Variants in STXBP4 observed in about 807,000 individuals in gnomAD.
The protein encoded by STXBP4 is syntaxin binding protein 4, also known as syntaxin-binding protein 4.
STXBP4 carries 55 observed loss-of-function variants against 76.1 expected under a neutral mutation model. The ratio of observed to expected loss-of-function variants is 0.72; its 90% CI spans 0.58 to 0.91. STXBP4 has a LOEUF of 0.91. Among genes scored for constraint, STXBP4 ranks in the 40% least tolerant of loss-of-function variants. STXBP4 has a pLI of 0.00. For synonymous variants in STXBP4, 201 were observed against 220.2 expected, an observed-to-expected ratio of 0.91 and a Z score of 0.77; for missense variants, 618 against 636.9, an observed-to-expected ratio of 0.97 and a Z score of 0.32.
intron 17 of STXBP4, among the ~76,000 whole-genome samples, chr17:55,148,085 C>T (rs1001073382): frequency 1.3e-5 from 2 of 152,188 alleles, no homozygotes; most frequent in Non-Finnish European, 2.9e-5. Flanking sequence ...TATGTGAGAG[C>T]TTTGTTTTTA....
the STXBP4 span, among the ~76,000 whole-genome samples, chr17:55,183,589 C>G: frequency 1.3e-5 from 2 of 152,150 alleles, no homozygotes; most frequent in African/African-American, 4.8e-5. Context: ...GATTGTCAGA[C>G]TTTATAATTC....
intron 8 of STXBP4, among the ~76,000 whole-genome samples, chr17:55,012,858 G>A (rs549340211): frequency 6.6e-6 from 1 of 152,266 alleles, no homozygotes; most frequent in East Asian, 1.9e-4. Flanking sequence ...AGGTCCCCTC[G>A]AGTGGCATAG....
intron 17 of STXBP4, among the ~76,000 whole-genome samples, chr17:55,155,897 T>C (rs1001912809): frequency 7.2e-5 from 11 of 152,222 alleles, no homozygotes; most frequent in Admixed American, 5.2e-4. Context: ...TAATAAGCTC[T>C]AAAATGTGTC....
At chr17:54,982,678 G>T (rs1401202002) in intron 1 of STXBP4, among the ~76,000 whole-genome samples, 1 of 151,746 alleles carries the variant, frequency 6.6e-6, no homozygotes, top group African/African-American at 2.4e-5. Context: ...TTGGCTGAGG[G>T]CCTTGCAAGT....
At chr17:55,144,610 C>A (rs960630798) in intron 17 of STXBP4, among the ~76,000 whole-genome samples, 2 of 152,180 alleles carry the variant, frequency 1.3e-5, no homozygotes, top group African/African-American at 4.8e-5. Flanking sequence ...CCTTCTTCCC[C>A]AGTTTTGTAC....
intron 3 of STXBP4, among the ~76,000 whole-genome samples, chr17:54,986,779 A>G (rs1029384398): frequency 3.3e-5 from 5 of 152,226 alleles, no homozygotes; most frequent in Non-Finnish European, 5.9e-5. Context: ...CTTGCTGACT[A>G]ACAAACCACC....
intron 16 of STXBP4, among the ~76,000 whole-genome samples, chr17:55,096,020 C>T (rs2079480256): frequency 6.6e-6 from 1 of 152,086 alleles, no homozygotes; most frequent in Non-Finnish European, 1.5e-5. Context: ...AATATGATGA[C>T]CTCTCTGAGT....
At chr17:55,019,496 A>G (rs943954472) in intron 8 of STXBP4, among the ~76,000 whole-genome samples, 2 of 152,134 alleles carry the variant, frequency 1.3e-5, no homozygotes, top group African/African-American at 4.8e-5. Context: ...GTTTTGGCGT[A>G]TCTTTGTTTA....
chr17:55,193,815 G>GAAAAA, the STXBP4 span, among the ~76,000 whole-genome samples: 711 of 105,820 alleles, frequency 6.7e-3, 24 homozygotes, highest in East Asian at 0.033. Flanking sequence ...CCTGATTTCA[G>GAAAAA]AAAAAAAAAA....
At chr17:55,146,205 A>G (rs2080151436) in intron 17 of STXBP4, among the ~76,000 whole-genome samples, 1 of 152,202 alleles carries the variant, frequency 6.6e-6, no homozygotes. Flanking sequence ...CTTTCTGTTG[A>G]TTCAGATTTA....
At chr17:55,081,312 A>G (rs1402717219) in intron 16 of STXBP4, 129 bp downstream of exon 16, 3 of 603,404 alleles carry the variant, frequency 5.0e-6, no homozygotes, top group Non-Finnish European at 7.5e-6. Context: ...TAAAAATATT[A>G]ATGTACCAAT....
chr17:54,989,363 G>A (rs1468076881), intron 3 of STXBP4, among the ~76,000 whole-genome samples: 1 of 152,182 alleles, frequency 6.6e-6, no homozygotes, highest in Non-Finnish European at 1.5e-5. Context: ...CCAAAGTGCT[G>A]GGATTATAGG....
Position 55,159,805 on chromosome 17 carries a change from C to T in STXBP4, c.1556C>T (p.Thr519Ile). ...DGIKYFINHV[T>I]QTTSWIHPVM... ...TTCTTGTTCTTCTCAAGTCATGTAA[C>T]ACAGACTACATCCTGGATCCATCCC... The change falls in exon 18 of 18, where the codon ACA becomes ATA. Residue 519 changes from threonine to isoleucine, a missense_variant. By Grantham distance (89) the Thr-to-Ile change is moderately conservative. Coordinates refer to ENST00000376352, the MANE Select transcript of STXBP4 (RefSeq NM_178509.6). 9 of 1,607,828 alleles carry T rather than the reference C, an allele frequency of 5.6e-6. No individual in the cohort carries two copies. Among genetic ancestry groups the T allele is most frequent in the Non-Finnish European group, 7.7e-6 (9 of 1,174,686 alleles).
At chr17:55,139,655 G>A (rs2080073458) in intron 16 of STXBP4, among the ~76,000 whole-genome samples, 1 of 152,098 alleles carries the variant, frequency 6.6e-6, no homozygotes, top group African/African-American at 2.4e-5. Context: ...CTGAGCATGT[G>A]CTTGCAGTGA....
intron 16 of STXBP4, among the ~76,000 whole-genome samples, chr17:55,088,098 A>G (rs940002827): frequency 6.6e-6 from 1 of 152,224 alleles, no homozygotes; most frequent in African/African-American, 2.4e-5. Context: ...AATTTGTATG[A>G]CATAGCTTTT....
chr17:55,030,465 C>T (rs982701362), intron 8 of STXBP4, among the ~76,000 whole-genome samples: 26 of 152,204 alleles, frequency 1.7e-4, no homozygotes, highest in African/African-American at 6.0e-4. Flanking sequence ...GTTACATGGC[C>T]GCATGGAGAT....
chr17:55,023,414 G>A (rs964168645), intron 8 of STXBP4, among the ~76,000 whole-genome samples: 3 of 152,132 alleles, frequency 2.0e-5, no homozygotes, highest in African/African-American at 4.8e-5. Flanking sequence ...GAAAATTTAC[G>A]CCTGAGAAAC....
chr17:55,186,580 A>C, the STXBP4 span, among the ~76,000 whole-genome samples: 1 of 152,232 alleles, frequency 6.6e-6, no homozygotes, highest in South Asian at 2.1e-4. Flanking sequence ...TCAAAGGAAC[A>C]TGGAAGTTAC....
In STXBP4 at chr17:54,968,767, G is replaced by T. The variant is rs533436889; in HGVS notation, c.-205G>T. On this transcript the variant is annotated 5_prime_UTR_variant, in exon 1 of 18. Transcript: ENST00000376352. ...CTGCCTTGGCTACCAGGCTCCTCAG[G>T]TGGCAGCGCTTGCAGTCGGGCTACG... 20 of 1,230,736 alleles carry T rather than the reference G, an allele frequency of 1.6e-5. 1 individual carries two copies. In the South Asian group the frequency reaches 3.0e-4, roughly 18 times the overall value. The allele number at this position is 1,230,736 out of a possible 1,614,324, so 76.2% of individuals were successfully genotyped here.
Sources: allele counts gnomAD v4.1 joint callset (sites outside exome capture counted in the v4.1 genomes callset), GRCh38; gene constraint gnomAD v4.1.1; transcripts MANE v1.5; gene names NCBI Gene and HGNC (gene_info 2026-07-23, HGNC 2026-07-21).